The following RIF1 variants were observed in gnomAD, a reference collection of about 807,000 sequenced individuals.
RIF1 encodes the protein replication timing regulatory factor 1, also known as telomere-associated protein RIF1.
RIF1 carries 45 observed loss-of-function variants against 247.1 expected under a neutral mutation model. The observed-to-expected ratio is 0.18, with a 90% CI of 0.14 to 0.23. RIF1 has a LOEUF of 0.23. RIF1 is among the 10% of genes least tolerant of loss of function. RIF1 has a pLI of 1.00. For missense variants in RIF1, 2,967 were observed against 2,862.5 expected (o/e 1.04, Z -0.83); for synonymous variants, 1,087 against 978.8 (o/e 1.11, Z -2.06).
intron 8 of RIF1, among the ~76,000 whole-genome samples, chr2:151,424,406 A>G (rs1170237086): frequency 6.6e-6 from 1 of 152,184 alleles, no homozygotes; most frequent in East Asian, 1.9e-4. Flanking sequence ...CTGGAAGCAT[A>G]AAGTTTTTAA....
chr2:151,489,049 G>A (rs930630771), intron 9 of RIF1, among the ~76,000 whole-genome samples: 47 of 152,096 alleles, frequency 3.1e-4, no homozygotes, highest in African/African-American at 1.1e-3. Context: ...GGTTAGCACA[G>A]TTTCTTTAAA....
intron 2 of RIF1, 67 bp from the exon 3 acceptor site, chr2:151,411,193 G>GT: frequency 1.1e-6 from 1 of 944,900 alleles, no homozygotes; most frequent in Non-Finnish European, 1.7e-6. Flanking sequence ...GATTGTACAT[G>GT]TATTTTTGAG....
At chr2:151,532,969 CAA>C in the RIF1 span, among the ~76,000 whole-genome samples, 2 of 152,204 alleles carry the variant, frequency 1.3e-5, no homozygotes, top group South Asian at 4.2e-4. Flanking sequence ...GCATCAAAGT[CAA>C]GAGGCGCCAT....
At chr2:151,435,779 T>TA (rs950208084) in intron 11 of RIF1, among the ~76,000 whole-genome samples, 199 bp downstream of exon 11, 2 of 151,760 alleles carry the variant, frequency 1.3e-5, no homozygotes, top group African/African-American at 4.8e-5. Context: ...TTTTTTTTTT[T>TA]AATATTACTG....
At chr2:151,500,593 CTTTTTT>C (rs11428843) in intron 11 of RIF1, among the ~76,000 whole-genome samples, 15 of 118,458 alleles carry the variant, frequency 1.3e-4, no homozygotes, top group Non-Finnish European at 2.0e-4. Context: ...TTCTTTCTTC[CTTTTTT>C]TTTTTTTTTT....
At position 151,463,948 on chromosome 2, in the gene RIF1, G is replaced by T. The variant is rs971422154; in HGVS notation, c.4428G>T (p.Glu1476Asp). The change falls in exon 30 of 36, where the codon GAG becomes GAT. Residue 1476 changes from glutamate to aspartate, a missense_variant. Transcript: ENST00000444746. ...TGATTGCTGAACAAACTCTACAGGA[G>T]AATTTAATTGAGAAAGGAAGTAATT... ...QKLIAEQTLQ[E>D]NLIEKGSNLH... 3.1e-6 allele frequency: 5 copies of T among 1,610,364 alleles called. No homozygotes were observed. Among genetic ancestry groups the T allele is most frequent in the East Asian group, 4.5e-5 (2 of 44,872 alleles).
the RIF1 span, among the ~76,000 whole-genome samples, chr2:151,517,304 A>T: frequency 2.0e-5 from 3 of 152,226 alleles, no homozygotes; most frequent in Non-Finnish European, 4.4e-5. Context: ...CAGCACCTTG[A>T]TGGCACTGCT....
intron 11 of RIF1, 82 bp from the exon 12 acceptor site, chr2:151,436,745 C>A (rs1691292843): frequency 6.0e-6 from 6 of 998,098 alleles, no homozygotes; most frequent in Non-Finnish European, 8.6e-6. Flanking sequence ...TTAAAAGTTT[C>A]ATTGAAATGA....
intron 9 of RIF1, among the ~76,000 whole-genome samples, chr2:151,430,947 C>T (rs1424024660): frequency 6.6e-6 from 1 of 152,186 alleles, no homozygotes; most frequent in African/African-American, 2.4e-5. Context: ...AGCCACTGTG[C>T]TCATTCTACT....
rs1456132113 is a variant in RIF1 at position 151,475,219 on chromosome 2, T to C, written c.*148T>C. On this transcript the variant is annotated 3_prime_UTR_variant, in exon 36 of 36. Coordinates refer to ENST00000444746, the MANE Select transcript of RIF1 (RefSeq NM_018151.5). Reference sequence around the variant, plus strand: ...AACCCTGAAGGACAGTGACTTATTATGTAAGTTCAATTTTGTAAGTTCATT... The same window carrying C: ...AACCCTGAAGGACAGTGACTTATTACGTAAGTTCAATTTTGTAAGTTCATT... 3 of 628,464 alleles carry C rather than the reference T, an allele frequency of 4.8e-6. No homozygotes were observed. Among genetic ancestry groups the C allele is most frequent in the East Asian group, 2.8e-5 (1 of 36,210 alleles). The allele number at this position is 628,464 out of a possible 1,614,324, so 38.9% of individuals were successfully genotyped here.
At chr2:151,434,746 T>A (rs1223446285) in intron 10 of RIF1, among the ~76,000 whole-genome samples, 1 of 152,148 alleles carries the variant, frequency 6.6e-6, no homozygotes, top group Non-Finnish European at 1.5e-5. Context: ...GCCTGGTTTT[T>A]GAATTTTTTT....
In RIF1 at chr2:151,468,677, A is replaced by G. The variant is rs1559028788; in HGVS notation, c.6862A>G (p.Thr2288Ala). ...EMAKESIPCPTESVYPPLVNC... is the reference protein window; with the variant it reads ...EMAKESIPCPAESVYPPLVNC... The stretch of plus-strand genomic sequence containing the variant: ...GGCCAAAGAATCCATACCATGCCCA[A>G]CAGAAAGTGTTTACCCACCATTGGT... The change falls in exon 33 of 36, where the codon ACA (threonine) becomes GCA (alanine). Residue 2288 changes from threonine (T) to alanine (A), a missense_variant. Thr to Ala is a moderately conservative substitution (Grantham distance 58). Transcript: ENST00000444746. 6.2e-7 allele frequency: 1 copy of G among 1,614,074 alleles called. No individual in the cohort carries two copies. The highest frequency in any genetic ancestry group is 8.5e-7 in the Non-Finnish European group (1 of 1,179,914).
the RIF1 span, chr2:151,530,913 AGATAACTGG>A: frequency 1.2e-6 from 1 of 863,442 alleles, no homozygotes; most frequent in Non-Finnish European, 1.9e-6. Flanking sequence ...ACACAGGAAT[AGATAACTGG>A]ACCAGGGTTT....
At chr2:151,496,883 A>AATCATGAAATAGTTTT (rs1167002016) in intron 10 of RIF1, 1 of 1,461,924 alleles carries the variant, frequency 6.8e-7, no homozygotes, top group African/African-American at 1.4e-5. Context: ...TATTATTTTA[A>AATCATGAAATAGTTTT]ATCATGAAAT....
At chr2:151,524,066 T>C in the RIF1 span, among the ~76,000 whole-genome samples, 1 of 152,074 alleles carries the variant, frequency 6.6e-6, no homozygotes, top group African/African-American at 2.4e-5. Flanking sequence ...CACATAAAGA[T>C]AGTTAAGCAC....
intron 6 of RIF1, among the ~76,000 whole-genome samples, chr2:151,419,619 C>T (rs62169380): frequency 1.3e-5 from 2 of 152,056 alleles, no homozygotes; most frequent in African/African-American, 2.4e-5. Context: ...CCACTGCACC[C>T]GGCCGGTCAT....
At chr2:151,529,611 A>C in the RIF1 span, among the ~76,000 whole-genome samples, 1 of 151,510 alleles carries the variant, frequency 6.6e-6, no homozygotes, top group African/African-American at 2.4e-5. Context: ...GCTCACTGCA[A>C]CCTCCGCCTC....
chr2:151,477,773 G>A lies in RIF1; in HGVS notation c.*2702G>A, dbSNP rs151316425. ...TGCCCAGGCTGGAGTGCAGTGGTAC[G>A]ATCTCAGCTCACTGCAACCTCCACC... On this transcript the variant is annotated 3_prime_UTR_variant, in exon 36 of 36. Coordinates refer to ENST00000444746, the MANE Select transcript of RIF1 (RefSeq NM_018151.5). 2.3e-3 allele frequency: 355 copies of A among 151,142 alleles called. 9 individuals carry two copies. In the East Asian group the frequency reaches 0.047, roughly 20 times the overall value. 9.4% of individuals were successfully genotyped at this position (151,142 alleles called of 1,614,324 possible). A position where few individuals can be genotyped will look rare whatever the true frequency, so the allele number is the denominator to read the frequency against.
chr2:151,477,072 G>A lies in RIF1; in HGVS notation c.*2001G>A, dbSNP rs574432828. 2 of 152,272 alleles carry A rather than the reference G, an allele frequency of 1.3e-5. No homozygotes were observed. Among genetic ancestry groups the A allele is most frequent in the South Asian group, 2.1e-4 (1 of 4,828 alleles). The allele number at this position is 152,272 out of a possible 1,614,324, so 9.4% of individuals were successfully genotyped here. ...AAGTATTAATTTTAAAAACATTATA[G>A]TTTAATAAAGCTGCATTTAAAAATA... On this transcript the variant is annotated 3_prime_UTR_variant, in exon 36 of 36. Coordinates refer to ENST00000444746, the MANE Select transcript of RIF1 (RefSeq NM_018151.5).
Sources: allele counts gnomAD v4.1 joint callset (sites outside exome capture counted in the v4.1 genomes callset), GRCh38; gene constraint gnomAD v4.1.1; transcripts MANE v1.5; gene names NCBI Gene and HGNC (gene_info 2026-07-23, HGNC 2026-07-21).